Variants in UPF2 observed in about 807,000 individuals in gnomAD.
The protein encoded by UPF2 is UPF2 regulator of nonsense mediated mRNA decay, also known as regulator of nonsense transcripts 2.
Under a neutral mutation model 141.4 loss-of-function variants are expected in UPF2, and 17 were observed. The observed-to-expected ratio is 0.12, with a 90% CI of 0.08 to 0.18. The LOEUF (loss-of-function observed/expected upper bound fraction) is 0.18. Among genes scored for constraint, UPF2 ranks in the 10% least tolerant of loss-of-function variants. UPF2 has a pLI of 1.00. For missense variants in UPF2, 1,152 were observed against 1,515.9 expected (o/e 0.76, Z 3.99); for synonymous variants, 540 against 498.0 (o/e 1.08, Z -1.12).
intron 1 of UPF2, among the ~76,000 whole-genome samples, chr10:12,038,058 C>A (rs1220322613): frequency 6.6e-6 from 1 of 152,090 alleles, no homozygotes; most frequent in African/African-American, 2.4e-5. Context: ...CTCACAACAA[C>A]AACAAAAAAG....
intron 7 of UPF2, among the ~76,000 whole-genome samples, chr10:11,999,114 G>A (rs1833911712): frequency 6.6e-6 from 1 of 151,736 alleles, no homozygotes. Flanking sequence ...AATGCATGGT[G>A]AAAATATAAT....
Position 11,921,208 on chromosome 10 carries a change from A to C in UPF2, c.*90T>G, listed in dbSNP as rs1832638965. 6.4e-7 allele frequency: 1 copy of C among 1,561,016 alleles called. No individual in the cohort carries two copies. The highest frequency in any genetic ancestry group is 8.8e-7 in the Non-Finnish European group (1 of 1,131,716). On this transcript the variant is annotated 3_prime_UTR_variant, in exon 22 of 22. Transcript: ENST00000357604. The surrounding 1 kb of genome is among the most constrained non-coding windows in gnomAD (Gnocchi z 5.9). ...CAACTCTCTAGACCGACCTGCTGAG[A>C]TGTGTCCACTGCTCTCATTCAATTG...
intron 9 of UPF2, among the ~76,000 whole-genome samples, chr10:11,976,613 T>C (rs1313076432): frequency 1.3e-5 from 2 of 152,170 alleles, no homozygotes; most frequent in Non-Finnish European, 2.9e-5. Flanking sequence ...AGAGAGATTC[T>C]GGCAAGATAT....
chr10:11,993,851 T>C lies in UPF2; in HGVS notation c.1844+3821A>G, dbSNP rs578239922. Among the ~76,000 whole-genome samples the C allele has an allele frequency of 5.9e-5, 9 of 151,708 alleles. No individual in the cohort carries two copies. The South Asian group carries it at 1.7e-3, about 28-fold the overall frequency. ...AATTAATGTAAAAATTAGCCAGACA[T>C]GGTGGTTCATGCCTGTGGTCCCGGC... On this transcript the variant is annotated intron_variant, in intron 8 of 21. Coordinates refer to ENST00000357604, the MANE Select transcript of UPF2 (RefSeq NM_015542.4).
In UPF2 at chr10:11,939,829, C is replaced by G. The variant is rs1251475499; in HGVS notation, c.3378+2836G>C. The stretch of plus-strand genomic sequence containing the variant: ...ACAGTGCCCAGCCATGTTTTCATAT[C>G]TTGTAGAGCATTTCACTCATTTCCT... On this transcript the variant is annotated intron_variant, in intron 18 of 21. Coordinates refer to ENST00000357604, the MANE Select transcript of UPF2 (RefSeq NM_015542.4). This position sits in a 1 kb window ranked among gnomAD's most constrained non-coding sequence, Gnocchi z 4.8. Among the ~76,000 whole-genome samples, 1 of 152,108 alleles carries G rather than the reference C, an allele frequency of 6.6e-6. No individual in the cohort carries two copies. The highest frequency in any genetic ancestry group is 1.5e-5 in the Non-Finnish European group (1 of 68,010).
chr10:11,920,251 T>C lies in UPF2; in HGVS notation c.*1047A>G, dbSNP rs758792426. ...GCTCTCCGACTAAATATACTACGCC[T>C]GCTGGAAAGCAAACCAAAGACAGCT... On this transcript the variant is annotated 3_prime_UTR_variant, in exon 22 of 22. Transcript: ENST00000357604. The C allele has an allele frequency of 2.0e-5, 3 of 152,128 alleles. No homozygotes were observed. Among genetic ancestry groups the C allele is most frequent in the Non-Finnish European group, 4.4e-5 (3 of 68,030 alleles). 9.4% of individuals were successfully genotyped at this position (152,128 alleles called of 1,614,324 possible).
intron 3 of UPF2, among the ~76,000 whole-genome samples, chr10:12,018,290 A>C (rs1834258966): frequency 1.3e-5 from 2 of 152,168 alleles, no homozygotes; most frequent in East Asian, 3.8e-4. Context: ...TTTACAAAAA[A>C]TACAAAAATT....
rs796491177 is a variant in UPF2 at position 12,032,618 on chromosome 10, G to C, written c.365+2441C>G. Among the ~76,000 whole-genome samples the C allele has an allele frequency of 4.6e-5, 7 of 151,886 alleles. 1 individual carries two copies. Among genetic ancestry groups the C allele is most frequent in the African/African-American group, 1.4e-4 (6 of 41,430 alleles). On this transcript the variant is annotated intron_variant, in intron 2 of 21. Coordinates refer to ENST00000357604, the MANE Select transcript of UPF2 (RefSeq NM_015542.4). ...CCAAGTATGGTGGTATGCATCTGTA[G>C]TCCCAGCTACTCAAGAGGCAGAGGC...
At chr10:12,025,493 G>A (rs12355710) in intron 3 of UPF2, among the ~76,000 whole-genome samples, 20,575 of 152,024 alleles carry the variant, frequency 0.14, 1,474 homozygotes, top group South Asian at 0.27. Flanking sequence ...AAAGGTTGCA[G>A]TGAGCCAAGA....
intron 13 of UPF2, 95 bp from the exon 14 acceptor site, chr10:11,955,602 C>T: frequency 8.3e-7 from 1 of 1,204,348 alleles, no homozygotes; most frequent in Non-Finnish European, 1.1e-6. Context: ...ATATCTATTA[C>T]TGAAAGAACA....
intron 11 of UPF2, among the ~76,000 whole-genome samples, chr10:11,962,150 G>A (rs1833250930): frequency 6.6e-6 from 1 of 152,150 alleles, no homozygotes; most frequent in Admixed American, 6.5e-5. Context: ...GTCTCAACCT[G>A]TTAGCTGGCC....
Position 11,970,894 on chromosome 10 carries a change from T to C in UPF2, c.1954-3440A>G, listed in dbSNP as rs186425989. Among the ~76,000 whole-genome samples the C allele has an allele frequency of 3.4e-3, 521 of 152,028 alleles. 2 individuals are homozygous for C. Among genetic ancestry groups the C allele is most frequent in the Non-Finnish European group, 5.7e-3 (390 of 67,984 alleles). ...GGTCAGTAGGGTTGGGAAATATATA[T>C]ATATATATTTTTAAATCTCCTTGGA... is the stretch of plus-strand genomic sequence containing the variant. On this transcript the variant is annotated intron_variant, in intron 9 of 21. Coordinates refer to ENST00000357604, the MANE Select transcript of UPF2 (RefSeq NM_015542.4).
chr10:11,973,308 T>C (rs1020178427), intron 9 of UPF2, among the ~76,000 whole-genome samples: 2 of 152,026 alleles, frequency 1.3e-5, no homozygotes, highest in Admixed American at 6.6e-5. Flanking sequence ...GGGTAGATTG[T>C]AAAAATTTTC....
intron 21 of UPF2, among the ~76,000 whole-genome samples, chr10:11,928,093 A>C (rs548813169): frequency 1.1e-4 from 16 of 152,298 alleles, no homozygotes; most frequent in Admixed American, 1.0e-3. Flanking sequence ...CCGCAAGACA[A>C]AATTAATTGA....
intron 10 of UPF2, among the ~76,000 whole-genome samples, chr10:11,965,242 T>G (rs1833300356): frequency 6.6e-6 from 1 of 152,186 alleles, no homozygotes; most frequent in East Asian, 1.9e-4. Context: ...ATATTCTTCC[T>G]ATATATTTTT....
At chr10:11,966,357 T>A (rs1833319742) in intron 10 of UPF2, among the ~76,000 whole-genome samples, 1 of 152,244 alleles carries the variant, frequency 6.6e-6, no homozygotes, top group Admixed American at 6.5e-5. Flanking sequence ...ATTGGTTGCA[T>A]ACTGATTCAG....
At chr10:12,035,729 C>G in intron 1 of UPF2, 3 of 226,676 alleles carry the variant, frequency 1.3e-5, no homozygotes. Flanking sequence ...CTCCACGTAC[C>G]CATCACTCAG....
At chr10:11,973,765 C>T (rs1041768630) in intron 9 of UPF2, among the ~76,000 whole-genome samples, 14 of 152,114 alleles carry the variant, frequency 9.2e-5, no homozygotes, top group Non-Finnish European at 1.9e-4. Context: ...GGTACCAGTA[C>T]CATGCTGTTT....
At chr10:11,963,763 T>A (rs1348454402) in intron 11 of UPF2, among the ~76,000 whole-genome samples, 1 of 152,190 alleles carries the variant, frequency 6.6e-6, no homozygotes, top group African/African-American at 2.4e-5. Context: ...CATCATTTGT[T>A]AAAAGTGTTA....
Sources: allele counts gnomAD v4.1 joint callset (sites outside exome capture counted in the v4.1 genomes callset), GRCh38; gene constraint gnomAD v4.1.1; non-coding constraint Gnocchi (gnomAD v3.1); transcripts MANE v1.5; gene names NCBI Gene and HGNC (gene_info 2026-07-23, HGNC 2026-07-21).